Variants in NCAPD3 observed in about 807,000 individuals in gnomAD.
The protein encoded by NCAPD3 is non-SMC condensin II complex subunit D3, also known as condensin-2 complex subunit D3.
Under a neutral mutation model 182.9 loss-of-function variants are expected in NCAPD3, and 105 were observed. The observed-to-expected ratio is 0.57, with a 90% confidence interval of 0.49 to 0.68. NCAPD3 has a LOEUF of 0.68. NCAPD3 is among the 30% of genes least tolerant of loss of function. The pLI, the probability that NCAPD3 is intolerant of heterozygous loss-of-function variation, is 0.00. For synonymous variants in NCAPD3, 815 were observed against 679.9 expected (o/e 1.20, Z -3.09); for missense variants, 1,944 against 1,837.0 (o/e 1.06, Z -1.07).
chr11:134,157,884 T>C (rs1943467297), intron 31 of NCAPD3, 44 bp downstream of exon 31: 1 of 1,561,720 alleles, frequency 6.4e-7, no homozygotes, highest in Non-Finnish European at 8.7e-7. Flanking sequence ...TGTGTTTTCA[T>C]CTGTAAATGC....
chr11:134,166,845 GCGCACACTCATGAGA>G (rs1943831194), intron 27 of NCAPD3, among the ~76,000 whole-genome samples: 1 of 107,018 alleles, frequency 9.3e-6, no homozygotes, highest in Non-Finnish European at 1.9e-5. Context: ...CTTGGGGGAG[GCGCACACTCATGAGA>G]GGAGCTTAGG....
intron 3 of NCAPD3, among the ~76,000 whole-genome samples, chr11:134,214,686 A>G (rs1231771397): frequency 6.6e-6 from 1 of 152,204 alleles, no homozygotes; most frequent in African/African-American, 2.4e-5. Flanking sequence ...AAAAAACAAA[A>G]TACAAATCAC....
In NCAPD3 at chr11:134,187,160, TTCTA is replaced by T. The variant is rs201818727; in HGVS notation, c.2046-1638_2046-1635del. On this transcript the variant is annotated intron_variant, in intron 16 of 34. Coordinates refer to ENST00000534548, the MANE Select transcript of NCAPD3 (RefSeq NM_015261.3). ...GCAGACTGTGACCCAACACACTAAC[TTCTA>T]TCTTAGTACCAAAACCAACGGCCAT... Among the ~76,000 whole-genome samples the T allele has an allele frequency of 7.5e-3, 1,136 of 152,196 alleles. 8 individuals are homozygous for T. Among genetic ancestry groups the T allele is most frequent in the Middle Eastern group, 0.02 (6 of 294 alleles).
chr11:134,164,125 T>C lies in NCAPD3; in HGVS notation c.3574-2234A>G, dbSNP rs535245488. 5.3e-4 allele frequency among the ~76,000 whole-genome samples: 81 copies of C among 152,228 alleles called. 2 individuals carry two copies. In the South Asian group the frequency reaches 0.012, roughly 23 times the overall value. ...CCAGAGGCCAGGTGGGAAATACACA[T>C]TGGCAATCCAGGCTAGGAGGAAAAC... On this transcript the variant is annotated intron_variant, in intron 27 of 34. Transcript: ENST00000534548.
chr11:134,196,889 C>T (rs1289795086), intron 13 of NCAPD3, among the ~76,000 whole-genome samples: 1 of 152,122 alleles, frequency 6.6e-6, no homozygotes, highest in Non-Finnish European at 1.5e-5. Flanking sequence ...ACCAAAACAT[C>T]TCAAGAAAAC....
At chr11:134,215,567 T>G (rs1032093568) in intron 3 of NCAPD3, among the ~76,000 whole-genome samples, 1 of 152,070 alleles carries the variant, frequency 6.6e-6, no homozygotes, top group East Asian at 1.9e-4. Flanking sequence ...AAAATAACAC[T>G]TAAGAATAAA....
At chr11:134,163,700 CAAAAA>C (rs57961196) in intron 27 of NCAPD3, among the ~76,000 whole-genome samples, 6 of 66,176 alleles carry the variant, frequency 9.1e-5, no homozygotes, top group Non-Finnish European at 1.2e-4. Context: ...TACTGTGTCT[CAAAAA>C]AAAAAAAAAA....
In NCAPD3 at chr11:134,169,029, G is replaced by C. The variant is rs552003634; in HGVS notation, c.3127C>G (p.Leu1043Val). 3 of 1,613,966 alleles carry C rather than the reference G, an allele frequency of 1.9e-6. No individual in the cohort carries two copies. The highest frequency in any genetic ancestry group is 2.2e-5 in the South Asian group (2 of 91,024). ...ATGACAGGGTTCCTCTTCAGTAACA[G>C]GTGAGCCAGGCAAAACTCCCCGAAG... The part of the protein sequence containing the change: ...ASFGEFCLAH[L>V]LLKRNPVMFF... Residue 1043 changes from leucine (L) to valine (V), a missense_variant, in exon 25 of 35, where the codon CTG becomes GTG. Coordinates refer to ENST00000534548, the MANE Select transcript of NCAPD3 (RefSeq NM_015261.3).
Position 134,159,928 on chromosome 11 carries a change from C to T in NCAPD3, c.3831G>A (p.Gly1277=). 1 of 1,613,794 alleles carries T rather than the reference C, an allele frequency of 6.2e-7. No homozygotes were observed. The highest frequency in any genetic ancestry group is 1.1e-5 in the South Asian group (1 of 91,074). The part of the protein sequence containing the change: ...QELAKHADVA[G]TAGGAEVAPV... The stretch of plus-strand genomic sequence containing the variant: ...GTGCCACCTCAGCACCTCCAGCCGT[C>T]CCGGCCACATCTGCATGTTTTGCTA... The change falls in exon 29 of 35, where the codon GGG becomes GGA. Residue 1277 remains glycine, a synonymous_variant. Transcript: ENST00000534548.
intron 3 of NCAPD3, among the ~76,000 whole-genome samples, chr11:134,216,569 TA>T (rs1227194072): frequency 6.6e-6 from 1 of 152,012 alleles, no homozygotes; most frequent in African/African-American, 2.4e-5. Flanking sequence ...ATCGGAGAGG[TA>T]AAAAGCAATG....
In NCAPD3 at chr11:134,151,103, G is replaced by A. The variant is rs918963973; in HGVS notation, c.*1841C>T. On this transcript the variant is annotated 3_prime_UTR_variant, in exon 35 of 35. Coordinates refer to ENST00000534548, the MANE Select transcript of NCAPD3 (RefSeq NM_015261.3). ...TAAAGCAAGGAGCTGCTGAGAAGGA[G>A]CACTCCACTGTGTGCCTGGAGAATG... 3.3e-5 allele frequency: 5 copies of A among 152,258 alleles called. No homozygotes were observed. The highest frequency in any genetic ancestry group is 1.2e-4 in the African/African-American group (5 of 41,470). 9.4% of individuals were successfully genotyped at this position (152,258 alleles called of 1,614,324 possible).
At chr11:134,191,845 T>C (rs780320962) in intron 16 of NCAPD3, among the ~76,000 whole-genome samples, 3 of 152,212 alleles carry the variant, frequency 2.0e-5, no homozygotes, top group Non-Finnish European at 2.9e-5. Flanking sequence ...CAAAGTCTCA[T>C]ATACACCTTG....
intron 1 of NCAPD3, chr11:134,223,522 A>G (rs1938324246): frequency 1.4e-6 from 1 of 701,560 alleles, no homozygotes; most frequent in East Asian, 2.7e-5. Context: ...TGGCGGAAGA[A>G]AGAGATTTGC....
chr11:134,163,779 G>A (rs373463990), intron 27 of NCAPD3, among the ~76,000 whole-genome samples: 3 of 148,762 alleles, frequency 2.0e-5, no homozygotes, highest in African/African-American at 7.5e-5. Flanking sequence ...GGCTGAGGCA[G>A]GAGAATGGCG....
chr11:134,223,744 G>A (rs1197731555), intron 1 of NCAPD3, 119 bp downstream of exon 1: 12 of 1,264,704 alleles, frequency 9.5e-6, no homozygotes, highest in Non-Finnish European at 1.2e-5. Flanking sequence ...CCCAGGCACC[G>A]CCGACAGCCG....
chr11:134,214,663 T>G (rs1212411746), intron 3 of NCAPD3, among the ~76,000 whole-genome samples: 1 of 152,148 alleles, frequency 6.6e-6, no homozygotes, highest in Non-Finnish European at 1.5e-5. Flanking sequence ...AATCTCGATC[T>G]AGATTGATCA....
At position 134,152,552 on chromosome 11, in the gene NCAPD3, A is replaced by AGAT. The variant is rs1591814804; in HGVS notation, c.*389_*391dup. 1.2e-5 allele frequency: 2 copies of AGAT among 161,034 alleles called. No homozygotes were observed. The allele number at this position is 161,034 out of a possible 1,614,324, so 10.0% of individuals were successfully genotyped here. A position where few individuals can be genotyped will look rare whatever the true frequency, so the allele number is the denominator to read the frequency against. On this transcript the variant is annotated 3_prime_UTR_variant, in exon 35 of 35. Coordinates refer to ENST00000534548, the MANE Select transcript of NCAPD3 (RefSeq NM_015261.3). ...ATTAGAATCAAAATTTCGTCATTAC[A>AGAT]GATGGGAAAATATGTACTATAAGGA...
Position 134,187,294 on chromosome 11 carries a change from C to T in NCAPD3, c.2046-1768G>A, listed in dbSNP as rs1001266533. Among the ~76,000 whole-genome samples the T allele has an allele frequency of 2.0e-5, 3 of 152,202 alleles. No individual in the cohort carries two copies. The East Asian group carries it at 5.8e-4, about 29-fold the overall frequency. Reference sequence around the variant, plus strand: ...TCTTTTCATCTCCTGTAACTAATTCCTGTCTTCTAATAACTAATTGCTGAT... The same window carrying T: ...TCTTTTCATCTCCTGTAACTAATTCTTGTCTTCTAATAACTAATTGCTGAT... On this transcript the variant is annotated intron_variant, in intron 16 of 34. Coordinates refer to ENST00000534548, the MANE Select transcript of NCAPD3 (RefSeq NM_015261.3).
intron 3 of NCAPD3, among the ~76,000 whole-genome samples, chr11:134,214,094 T>C (rs542774547): frequency 9.1e-4 from 138 of 151,608 alleles, no homozygotes; most frequent in African/African-American, 3.1e-3. Context: ...TACAGAATAC[T>C]AGATCCAACA....
Sources: allele counts gnomAD v4.1 joint callset (sites outside exome capture counted in the v4.1 genomes callset), GRCh38; gene constraint gnomAD v4.1.1; transcripts MANE v1.5; gene names NCBI Gene and HGNC (gene_info 2026-07-23, HGNC 2026-07-21).